RTN4RL1: variants seen among roughly 807,000 people sequenced by gnomAD.
RTN4RL1 encodes reticulon 4 receptor like 1.
RTN4RL1 carries 7 observed loss-of-function variants against 25.6 expected under a neutral mutation model. The observed-to-expected ratio is 0.27, with a 90% CI of 0.16 to 0.51. The LOEUF (loss-of-function observed/expected upper bound fraction) is 0.51. RTN4RL1 is among the 20% of genes least tolerant of loss of function. RTN4RL1 has a pLI of 0.97. For missense variants in RTN4RL1, 500 were observed against 615.6 expected, an observed-to-expected ratio of 0.81 and a Z score of 1.99; for synonymous variants, 297 against 288.2, an observed-to-expected ratio of 1.03 and a Z score of -0.31.
At chr17:2,008,262 T>C (rs59385518) in intron 1 of RTN4RL1, among the ~76,000 whole-genome samples, 1,946 of 140,794 alleles carry the variant, frequency 0.014, 40 homozygotes, top group African/African-American at 0.049. Context: ...AGGGCTAGAC[T>C]CCATCTCAAA....
At chr17:1,959,832 G>A (rs925403630) in intron 1 of RTN4RL1, among the ~76,000 whole-genome samples, 3 of 152,138 alleles carry the variant, frequency 2.0e-5, no homozygotes, top group African/African-American at 7.2e-5. Flanking sequence ...CAAAGTGCTG[G>A]GATTACAGGC....
intron 1 of RTN4RL1, among the ~76,000 whole-genome samples, chr17:1,991,362 A>G (rs1223411047): frequency 6.6e-6 from 1 of 151,390 alleles, no homozygotes; most frequent in Non-Finnish European, 1.5e-5. Context: ...GTGGACTGAG[A>G]AGCCAGATAA....
chr17:1,972,734 C>T (rs781345215), intron 1 of RTN4RL1, among the ~76,000 whole-genome samples: 12 of 152,216 alleles, frequency 7.9e-5, no homozygotes, highest in Non-Finnish European at 1.0e-4. Context: ...CCATCGTCCA[C>T]GTCCTTCTCA....
chr17:1,991,454 AAAAAAAAAAC>A (rs2066908277), intron 1 of RTN4RL1, among the ~76,000 whole-genome samples: 1 of 144,532 alleles, frequency 6.9e-6, no homozygotes, highest in South Asian at 2.2e-4. Flanking sequence ...AGTAAAAAAA[AAAAAAAAAAC>A]AAAAAAAAAC....
chr17:1,948,502 C>T (rs1915605828), intron 1 of RTN4RL1, among the ~76,000 whole-genome samples: 1 of 152,334 alleles, frequency 6.6e-6, no homozygotes, highest in South Asian at 2.1e-4. Flanking sequence ...ACTGCCCCTC[C>T]CCCAAAGCTA....
intron 1 of RTN4RL1, among the ~76,000 whole-genome samples, chr17:2,008,604 C>A (rs2067018993): frequency 6.6e-6 from 1 of 152,112 alleles, no homozygotes; most frequent in Non-Finnish European, 1.5e-5. Flanking sequence ...CAAAAAAATT[C>A]TGTGGCTGTT....
At chr17:2,012,653 T>G (rs1021562837) in intron 1 of RTN4RL1, among the ~76,000 whole-genome samples, 1 of 152,120 alleles carries the variant, frequency 6.6e-6, no homozygotes, top group Admixed American at 6.6e-5. Flanking sequence ...CAGAACAATA[T>G]AAATATTAGG....
intron 1 of RTN4RL1, among the ~76,000 whole-genome samples, chr17:1,953,544 AAGT>A (rs1915726561): frequency 6.8e-6 from 1 of 147,274 alleles, no homozygotes; most frequent in Non-Finnish European, 1.5e-5. Context: ...CTAGAACTCA[AAGT>A]ATAAAAAAAA....
chr17:1,942,404 G>A (rs552871289), intron 1 of RTN4RL1, among the ~76,000 whole-genome samples: 3 of 152,180 alleles, frequency 2.0e-5, no homozygotes, highest in South Asian at 4.1e-4. Context: ...CTAGCAGATG[G>A]GGGGGCTCAC....
At chr17:1,947,171 C>T (rs1379084807) in intron 1 of RTN4RL1, among the ~76,000 whole-genome samples, 3 of 149,472 alleles carry the variant, frequency 2.0e-5, no homozygotes, top group Non-Finnish European at 3.0e-5. Context: ...GGTCTGTGTG[C>T]GTCTCTGTGT....
intron 1 of RTN4RL1, among the ~76,000 whole-genome samples, chr17:1,949,550 C>T (rs117043069): frequency 4.6e-5 from 7 of 152,284 alleles, no homozygotes; most frequent in Non-Finnish European, 1.0e-4. Context: ...CCCTTCCCTG[C>T]GATCAGTGAA....
intron 1 of RTN4RL1, among the ~76,000 whole-genome samples, chr17:1,951,956 C>T (rs893359681): frequency 6.6e-6 from 1 of 152,064 alleles, no homozygotes; most frequent in African/African-American, 2.4e-5. Flanking sequence ...CCAGGACAGG[C>T]GGGTGGTGCT....
At chr17:1,967,051 C>T (rs1314214245) in intron 1 of RTN4RL1, among the ~76,000 whole-genome samples, 4 of 152,178 alleles carry the variant, frequency 2.6e-5, no homozygotes, top group Non-Finnish European at 5.9e-5. Flanking sequence ...TTTCAGAGGC[C>T]ACGCAGGAAA....
chr17:1,945,826 C>T (rs1014818226), intron 1 of RTN4RL1, among the ~76,000 whole-genome samples: 1 of 152,254 alleles, frequency 6.6e-6, no homozygotes, highest in Non-Finnish European at 1.5e-5. Flanking sequence ...CACTGGCATC[C>T]AGCAGGTGAC....
At chr17:1,970,001 G>A (rs997707757) in intron 1 of RTN4RL1, among the ~76,000 whole-genome samples, 2 of 139,486 alleles carry the variant, frequency 1.4e-5, no homozygotes, top group African/African-American at 5.3e-5. Flanking sequence ...GTGGCCTCAG[G>A]ATTTCTGCTC....
chr17:2,021,628 C>T (rs1422218857), intron 1 of RTN4RL1, among the ~76,000 whole-genome samples: 2 of 142,566 alleles, frequency 1.4e-5, no homozygotes, highest in African/African-American at 2.6e-5. Flanking sequence ...GATCTTGGCT[C>T]ACTGTAACCT....
intron 1 of RTN4RL1, among the ~76,000 whole-genome samples, chr17:2,008,073 G>C (rs950874677): frequency 6.6e-6 from 1 of 151,822 alleles, no homozygotes; most frequent in African/African-American, 2.4e-5. Flanking sequence ...AGGAGTTCGC[G>C]ACCAGCCTTG....
rs1174832171 is a variant in RTN4RL1 at position 1,937,732 on chromosome 17, C to T, written c.90G>A (p.Val30=). 3.1e-6 allele frequency: 5 copies of T among 1,610,026 alleles called. No homozygotes were observed. The African/African-American group carries it at 4.0e-5, about 13-fold the overall frequency. The change falls in exon 2 of 2, where the codon GTG becomes GTA. Residue 30 remains valine (V), a synonymous_variant. Coordinates refer to ENST00000331238, the MANE Select transcript of RTN4RL1 (RefSeq NM_178568.4). Reference sequence around the variant, plus strand: ...TGACCGTCATGGGCGCCGGGTAGCACACACAGTCCCGTGGGCAGCCACCAC... The same window carrying T: ...TGACCGTCATGGGCGCCGGGTAGCATACACAGTCCCGTGGGCAGCCACCAC... ...PLGGGCPRDC[V]CYPAPMTVSC... is the part of the protein sequence containing the mutation.
chr17:2,023,530 G>A (rs1567536078), intron 1 of RTN4RL1: 1 of 152,366 alleles, frequency 6.6e-6, no homozygotes, highest in Non-Finnish European at 1.5e-5. Context: ...GTCGGCCCAA[G>A]CTAGGACCAC....
Sources: allele counts gnomAD v4.1 joint callset (sites outside exome capture counted in the v4.1 genomes callset), GRCh38; gene constraint gnomAD v4.1.1; transcripts MANE v1.5; gene names NCBI Gene and HGNC (gene_info 2026-07-23, HGNC 2026-07-21).